The following LRBA variants were observed in gnomAD, a reference collection of about 807,000 sequenced individuals.
LRBA encodes LPS responsive beige-like anchor protein.
A neutral mutation model predicts 330.0 loss-of-function variants in LRBA; 176 were observed. That is an observed-to-expected ratio of 0.53 (90% CI 0.47 to 0.60). The LOEUF (loss-of-function observed/expected upper bound fraction) is 0.60, where lower values mean the gene tolerates loss of function less well. LRBA is among the 20% of genes least tolerant of loss of function. The probability of loss-of-function intolerance (pLI) is 0.00; values close to 1 mark genes in which losing one functional copy is unlikely to be tolerated. For missense variants in LRBA, 3,259 were observed against 3,444.8 expected (o/e 0.95, Z 1.35); for synonymous variants, 1,230 against 1,193.0 (o/e 1.03, Z -0.64).
chr4:150,588,692 G>C (rs1293355221), intron 39 of LRBA, among the ~76,000 whole-genome samples: 1 of 152,178 alleles, frequency 6.6e-6, no homozygotes, highest in African/African-American at 2.4e-5. Context: ...TTTTATGCCA[G>C]CTTGACACAA....
intron 40 of LRBA, among the ~76,000 whole-genome samples, chr4:150,576,390 T>C (rs1014661696): frequency 2.6e-5 from 4 of 151,960 alleles, no homozygotes; most frequent in African/African-American, 7.2e-5. Context: ...AGTGTGAATA[T>C]AGCAAGTTCA....
At position 150,894,125 on chromosome 4, in the gene LRBA, T is replaced by A. The variant is rs145678095; in HGVS notation, c.2068-976A>T. The stretch of plus-strand genomic sequence containing the variant: ...TATATCAAGAAATTGTGGGGAAGGG[T>A]TATTCTCTATTACAGAAAAATATAT... On this transcript the variant is annotated intron_variant, in intron 16 of 56. Transcript: ENST00000651943. Among the ~76,000 whole-genome samples, 637 of 152,224 alleles carry A rather than the reference T, an allele frequency of 4.2e-3. 4 individuals are homozygous for A. The highest frequency in any genetic ancestry group is 0.014 in the African/African-American group (573 of 41,532).
chr4:150,515,259 T>C (rs577571938), intron 40 of LRBA, among the ~76,000 whole-genome samples: 1 of 149,564 alleles, frequency 6.7e-6, no homozygotes, highest in East Asian at 2.0e-4. Flanking sequence ...TACCAGGAAA[T>C]CCACAACAGG....
chr4:150,433,418 C>A (rs1750690419), intron 46 of LRBA, among the ~76,000 whole-genome samples: 1 of 151,974 alleles, frequency 6.6e-6, no homozygotes, highest in South Asian at 2.1e-4. Flanking sequence ...TCCTGCCCAT[C>A]AAAGCAATGA....
rs72736362 is a variant in LRBA, at chr4:150,642,302, G to T, written c.5921+41249C>A. On this transcript the variant is annotated intron_variant, in intron 37 of 56. Coordinates refer to ENST00000651943, the MANE Select transcript of LRBA (RefSeq NM_001364905.1). ...TTATGCACAAAAAATAGAAAGTTGCGGGAGAATGGTATAACATACTAGGCC... is the reference window on the plus strand; with the variant it reads ...TTATGCACAAAAAATAGAAAGTTGCTGGAGAATGGTATAACATACTAGGCC... 1.6e-3 allele frequency among the ~76,000 whole-genome samples: 244 copies of T among 151,730 alleles called. 1 individual carries two copies. Among genetic ancestry groups the T allele is most frequent in the Admixed American group, 3.7e-3 (56 of 15,238 alleles).
chr4:150,723,433 TATTTC>T (rs1371490884), intron 36 of LRBA, among the ~76,000 whole-genome samples: 1 of 152,168 alleles, frequency 6.6e-6, no homozygotes, highest in African/African-American at 2.4e-5. Flanking sequence ...TCTCAGATGA[TATTTC>T]ATTTCTAGAC....
At chr4:150,584,039 G>C in intron 40 of LRBA, 1 of 1,607,382 alleles carries the variant, frequency 6.2e-7, no homozygotes, top group Non-Finnish European at 8.5e-7. Context: ...GCCCTGGAGA[G>C]CGCTGCCAAG....
chr4:150,540,882 A>C (rs898756394), intron 40 of LRBA, among the ~76,000 whole-genome samples: 1 of 152,180 alleles, frequency 6.6e-6, no homozygotes, highest in African/African-American at 2.4e-5. Context: ...AACCATATAG[A>C]TGCACCATTA....
At position 150,828,513 on chromosome 4, in the gene LRBA, G is replaced by C. The variant is rs1057158359; in HGVS notation, c.4838C>G (p.Thr1613Ser). ...RDSGIGEETATGLGSHVEVTP... is the reference protein window; with the variant it reads ...RDSGIGEETASGLGSHVEVTP... The stretch of plus-strand genomic sequence containing the variant: ...TACTTCCACATGGCTTCCTAAACCA[G>C]TGGCTGTTTCTTCCCCAATGCCTGA... The change falls in exon 30 of 57, where the codon ACT (threonine) becomes AGT (serine). Residue 1613 changes from threonine (T) to serine (S), a missense_variant. Physicochemically the swap from Thr to Ser is moderately conservative, Grantham distance 58. Transcript: ENST00000651943. 2 of 1,614,014 alleles carry C rather than the reference G, an allele frequency of 1.2e-6. No individual in the cohort carries two copies. Among genetic ancestry groups the C allele is most frequent in the African/African-American group, 2.7e-5 (2 of 74,934 alleles).
chr4:150,770,156 T>C (rs1021476007), intron 34 of LRBA, among the ~76,000 whole-genome samples: 10 of 152,120 alleles, frequency 6.6e-5, no homozygotes, highest in Admixed American at 6.5e-4. Flanking sequence ...GGGAAAGACA[T>C]CCTCTTCACT....
At chr4:150,809,438 A>C (rs1489157832) in intron 31 of LRBA, among the ~76,000 whole-genome samples, 3 of 152,212 alleles carry the variant, frequency 2.0e-5, no homozygotes, top group Non-Finnish European at 4.4e-5. Flanking sequence ...GAATGATAAG[A>C]TATATACAAG....
intron 2 of LRBA, among the ~76,000 whole-genome samples, chr4:150,984,328 G>T (rs2149610907): frequency 6.6e-6 from 1 of 152,262 alleles, no homozygotes; most frequent in Non-Finnish European, 1.5e-5. Flanking sequence ...GCCTCAACAT[G>T]GAGAAACCCC....
intron 48 of LRBA, among the ~76,000 whole-genome samples, chr4:150,326,381 G>A (rs1561018028): frequency 6.6e-6 from 1 of 152,170 alleles, no homozygotes; most frequent in African/African-American, 2.4e-5. Flanking sequence ...GCCATAGGAA[G>A]AGCATTATTG....
intron 2 of LRBA, among the ~76,000 whole-genome samples, chr4:150,931,803 G>A (rs1375852228): frequency 1.3e-5 from 2 of 151,532 alleles, no homozygotes; most frequent in Non-Finnish European, 2.9e-5. Flanking sequence ...CAAATATCTG[G>A]GGGAAAAAAA....
At chr4:150,589,222 T>A (rs1205292849) in intron 39 of LRBA, among the ~76,000 whole-genome samples, 1 of 152,198 alleles carries the variant, frequency 6.6e-6, no homozygotes. Flanking sequence ...CTGTGCCTAT[T>A]CAGGTAATCA....
chr4:150,555,415 T>C (rs1366273741), intron 40 of LRBA, among the ~76,000 whole-genome samples: 1 of 152,194 alleles, frequency 6.6e-6, no homozygotes, highest in Non-Finnish European at 1.5e-5. Context: ...ACGACACTAC[T>C]ATGCTAGCTC....
rs1410117264 is a variant in LRBA, at chr4:150,269,713, G to A, written c.8469-3901C>T. The stretch of plus-strand genomic sequence containing the variant: ...TAATCCCATCCCTTTGGGTGGCTGA[G>A]TCAGCAGGATTGTTTGTTTGAGCCC... On this transcript the variant is annotated intron_variant, in intron 56 of 56. Transcript: ENST00000651943. Among the ~76,000 whole-genome samples the A allele has an allele frequency of 4.6e-5, 7 of 152,302 alleles. No homozygotes were observed. In the East Asian group the frequency reaches 5.8e-4, roughly 13 times the overall value.
At chr4:150,607,050 G>C (rs1481490504) in intron 37 of LRBA, among the ~76,000 whole-genome samples, 1 of 152,320 alleles carries the variant, frequency 6.6e-6, no homozygotes, top group East Asian at 1.9e-4. Context: ...TAAAGGCATG[G>C]AAATGTAAAA....
chr4:150,350,000 A>C lies in LRBA; in HGVS notation c.7354T>G (p.Leu2452Val). Reference sequence around the variant, plus strand: ...CAATTCAGATAACTTACCTCTCTCAACACAGGATCAGTTATTGAATTCAGA... The same window carrying C: ...CAATTCAGATAACTTACCTCTCTCACCACAGGATCAGTTATTGAATTCAGA... ...VNLNSITDPV[L>V]REAVEAQIRS... The change falls in exon 48 of 57, where the codon TTG becomes GTG. Residue 2452 changes from leucine to valine, a missense_variant. Coordinates refer to ENST00000651943, the MANE Select transcript of LRBA (RefSeq NM_001364905.1). 6.2e-7 allele frequency: 1 copy of C among 1,613,772 alleles called. No homozygotes were observed. Among genetic ancestry groups the C allele is most frequent in the Non-Finnish European group, 8.5e-7 (1 of 1,179,812 alleles).
Sources: allele counts gnomAD v4.1 joint callset (sites outside exome capture counted in the v4.1 genomes callset), GRCh38; gene constraint gnomAD v4.1.1; transcripts MANE v1.5; gene names NCBI Gene and HGNC (gene_info 2026-07-23, HGNC 2026-07-21).